PLCD1: variants seen among roughly 807,000 people sequenced by gnomAD.
PLCD1 encodes phospholipase C delta 1.
A neutral mutation model predicts 87.4 loss-of-function variants in PLCD1; 71 were observed. That is an observed-to-expected ratio of 0.81 (90% confidence interval 0.67 to 0.99). The LOEUF is 0.99. Among genes scored for constraint, PLCD1 ranks in the 50% least tolerant of loss-of-function variants. PLCD1 has a pLI of 0.00. For synonymous variants in PLCD1, 348 were observed against 399.2 expected (o/e 0.87, Z 1.53); for missense variants, 867 against 1,001.5 (o/e 0.87, Z 1.81).
intron 1 of PLCD1, among the ~76,000 whole-genome samples, chr3:38,023,981 G>A (rs559993047): frequency 6.7e-6 from 1 of 149,716 alleles, no homozygotes; most frequent in Non-Finnish European, 1.5e-5. Flanking sequence ...TTTTGCACAG[G>A]ATCATATTGA....
At chr3:38,010,106 C>T (rs1700046183) in intron 7 of PLCD1, 25 bp downstream of exon 7, 1 of 1,614,226 alleles carries the variant, frequency 6.2e-7, no homozygotes, top group Non-Finnish European at 8.5e-7. Context: ...GCATCCCACT[C>T]CTCACCTGCC....
chr3:38,022,594 G>C (rs891488723), intron 1 of PLCD1, among the ~76,000 whole-genome samples: 1 of 152,190 alleles, frequency 6.6e-6, no homozygotes, highest in Non-Finnish European at 1.5e-5. Flanking sequence ...TCCTGTCCTG[G>C]AGCCAGGCTG....
chr3:38,024,143 C>T, intron 1 of PLCD1: 1 of 606,314 alleles, frequency 1.6e-6, no homozygotes. Flanking sequence ...TAACTAATCA[C>T]CCTAGTACTC....
intron 1 of PLCD1, chr3:38,024,302 C>A: frequency 6.3e-7 from 1 of 1,583,970 alleles, no homozygotes; most frequent in Non-Finnish European, 8.6e-7. Flanking sequence ...CCTTCCCATT[C>A]CCCCGCAGAT....
At position 38,009,766 on chromosome 3, in the gene PLCD1, G is replaced by GC. The variant is rs1559371469; in HGVS notation, c.1332dup (p.Leu445AlafsTer11). The GC allele has an allele frequency of 1.9e-6, 3 of 1,614,028 alleles. No homozygotes were observed. Among genetic ancestry groups the GC allele is most frequent in the Admixed American group, 1.7e-5 (1 of 60,032 alleles). On this transcript the variant is annotated frameshift_variant, in exon 9 of 15. Coordinates refer to ENST00000334661, the MANE Select transcript of PLCD1 (RefSeq NM_006225.4). LOFTEE classifies it high-confidence loss of function. ...CCACCCTCCCCTCCAGGGGGCAGGAGCCCCCCGAGCTTCTTCCCCTTCAGC... is the reference window on the plus strand; with the variant it reads ...CCACCCTCCCCTCCAGGGGGCAGGAGCCCCCCCGAGCTTCTTCCCCTTCAGC...
intron 3 of PLCD1, among the ~76,000 whole-genome samples, chr3:38,013,434 C>T (rs1489992801): frequency 1.3e-5 from 2 of 151,034 alleles, no homozygotes; most frequent in Non-Finnish European, 3.0e-5. Flanking sequence ...AGGATGGTCT[C>T]GATCTCCTGA....
At chr3:38,023,749 T>C (rs1329883106) in intron 1 of PLCD1, among the ~76,000 whole-genome samples, 3 of 151,896 alleles carry the variant, frequency 2.0e-5, no homozygotes, top group Non-Finnish European at 4.4e-5. Context: ...TCACACTCAG[T>C]TGAACAGTAT....
chr3:38,008,763 C>G, intron 11 of PLCD1, 127 bp from the exon 12 acceptor site: 1 of 840,118 alleles, frequency 1.2e-6, no homozygotes, highest in Non-Finnish European at 2.0e-6. Flanking sequence ...CACTCCAATG[C>G]CTGCTGCCCT....
chr3:38,024,812 C>T (rs1306491443), intron 1 of PLCD1: 6 of 1,126,684 alleles, frequency 5.3e-6, no homozygotes, highest in East Asian at 5.6e-5. Context: ...AGGGCAGAGT[C>T]AGACCCCAAA....
chr3:38,008,920 C>T (rs1700015266), intron 11 of PLCD1, 122 bp downstream of exon 11: 2 of 789,602 alleles, frequency 2.5e-6, no homozygotes, highest in Non-Finnish European at 4.4e-6. Flanking sequence ...GCTCCACAAG[C>T]CCCTGCATTT....
chr3:38,008,988 G>A, intron 11 of PLCD1, 54 bp downstream of exon 11: 1 of 1,446,978 alleles, frequency 6.9e-7, no homozygotes. Context: ...CAGGCCCCCG[G>A]CCTTGGGACT....
At chr3:38,026,844 T>G (rs543325560) in intron 1 of PLCD1, among the ~76,000 whole-genome samples, 4 of 152,378 alleles carry the variant, frequency 2.6e-5, no homozygotes, top group African/African-American at 9.6e-5. Flanking sequence ...CCATGGATGA[T>G]TCTCAGACCC....
Position 38,007,667 on chromosome 3 carries a change from G to T in PLCD1, c.*106C>A. 1.2e-6 allele frequency: 1 copy of T among 861,850 alleles called. No homozygotes were observed. Among genetic ancestry groups the T allele is most frequent in the Non-Finnish European group, 1.9e-6 (1 of 514,030 alleles). The allele number at this position is 861,850 out of a possible 1,614,324, so 53.4% of individuals were successfully genotyped here. On this transcript the variant is annotated 3_prime_UTR_variant, in exon 15 of 15. Coordinates refer to ENST00000334661, the MANE Select transcript of PLCD1 (RefSeq NM_006225.4). ...ATGTTAGGGCTGAAGGCAATTTGGGGGCCTAGCTCTGAGCAAGAGGCTGGG... is the reference window on the plus strand; with the variant it reads ...ATGTTAGGGCTGAAGGCAATTTGGGTGCCTAGCTCTGAGCAAGAGGCTGGG...
chr3:38,015,572 G>A (rs1414818205), intron 3 of PLCD1, among the ~76,000 whole-genome samples: 1 of 152,094 alleles, frequency 6.6e-6, no homozygotes, highest in East Asian at 1.9e-4. Flanking sequence ...ACTTTAAAAG[G>A]GTTAATTATA....
At chr3:38,020,459 C>A in intron 1 of PLCD1, 107 bp from the exon 2 acceptor site, 1 of 1,012,486 alleles carries the variant, frequency 9.9e-7, no homozygotes, top group Non-Finnish European at 1.5e-6. Context: ...CCACTTTTCA[C>A]CAGCCTCATC....
In PLCD1 at chr3:38,007,852, C is replaced by CG; in HGVS notation, c.2191dup (p.Arg731ProfsTer8). 1 of 1,613,902 alleles carries CG rather than the reference C, an allele frequency of 6.2e-7. No individual in the cohort carries two copies. Among genetic ancestry groups the CG allele is most frequent in the Non-Finnish European group, 8.5e-7 (1 of 1,179,790 alleles). ...GTTCTTAGACATGAGGTGGACATGG[C>CG]GGTATCCTGGTGGGTGGACAGGCAG... On this transcript the variant is annotated frameshift_variant, in exon 15 of 15. Coordinates refer to ENST00000334661, the MANE Select transcript of PLCD1 (RefSeq NM_006225.4). LOFTEE classifies it high-confidence loss of function.
At chr3:38,027,763 C>A (rs1213598169) in intron 1 of PLCD1, among the ~76,000 whole-genome samples, 1 of 152,228 alleles carries the variant, frequency 6.6e-6, no homozygotes, top group East Asian at 1.9e-4. Context: ...CAGCACAGGG[C>A]ACAGTGATCA....
At position 38,020,326 on chromosome 3, in the gene PLCD1, C is replaced by T. The variant is rs1333386693; in HGVS notation, c.61G>A (p.Ala21Thr). The change falls in exon 2 of 15, where the codon GCG (alanine) becomes ACG (threonine). Residue 21 changes from alanine to threonine, a missense_variant. Transcript: ENST00000334661. ...AGGAGCTGGCTGCCCTTCAGCAGCG[C>T]CTGTAGATCCTCATCATCCTGTAGG... ...HGLQDDEDLQ[A>T]LLKGSQLLKV... 2 of 1,614,076 alleles carry T rather than the reference C, an allele frequency of 1.2e-6. No homozygotes were observed. The highest frequency in any genetic ancestry group is 1.7e-6 in the Non-Finnish European group (2 of 1,180,010).
rs992009290 is a variant in PLCD1 at position 38,020,184 on chromosome 3, T to A, written c.199+4A>T. ...CCCCTCCCCTGTGACCCCAGGGCAC[T>A]CACACAGCTGGGACTCCGGGGTCCG... On this transcript the variant is annotated splice_donor_region_variant and intron_variant, in intron 2 of 14. Coordinates refer to ENST00000334661, the MANE Select transcript of PLCD1 (RefSeq NM_006225.4). 6.2e-7 allele frequency: 1 copy of A among 1,613,384 alleles called. No homozygotes were observed. The highest frequency in any genetic ancestry group is 8.5e-7 in the Non-Finnish European group (1 of 1,179,520).
Sources: gnomAD v4.1 joint callset for allele counts (sites outside exome capture counted in the v4.1 genomes callset) on GRCh38, gnomAD v4.1.1 for gene constraint, MANE v1.5 for transcripts, NCBI Gene and HGNC (gene_info 2026-07-23, HGNC 2026-07-21) for gene names.